The following KIF3B variants were observed in gnomAD, a reference collection of about 807,000 sequenced individuals.
The protein encoded by KIF3B is kinesin family member 3B.
A neutral mutation model predicts 74.3 loss-of-function variants in KIF3B; 38 were observed. That is an observed-to-expected ratio of 0.51 (90% CI 0.39 to 0.67). KIF3B has a LOEUF of 0.67. KIF3B is among the 30% of genes least tolerant of loss of function. The pLI is 0.00. For missense variants in KIF3B, 649 were observed against 932.0 expected (o/e 0.70, Z 3.95); for synonymous variants, 326 against 342.5 (o/e 0.95, Z 0.53).
At chr20:32,291,778 A>G (rs1012036749) in intron 1 of KIF3B, among the ~76,000 whole-genome samples, 7 of 151,746 alleles carry the variant, frequency 4.6e-5, no homozygotes, top group African/African-American at 1.5e-4. Context: ...CACCACACCC[A>G]ACTAATTTTT....
chr20:32,330,289 A>G lies in KIF3B; in HGVS notation c.2117A>G (p.Glu706Gly), dbSNP rs1436784710. The change falls in exon 8 of 9, where the codon GAA becomes GGA. Residue 706 changes from glutamate (E) to glycine (G), a missense_variant. This residue lies in a region of KIF3B where 186 missense variants were observed against 198.5 expected (regional missense o/e 0.94). Coordinates refer to ENST00000375712, the MANE Select transcript of KIF3B (RefSeq NM_004798.4). ...ATACAGGTGGATGCATCATCATTTG[A>G]AAGCACTGCAAATAAGAAATCCAAG... ...DEIQVDASSF[E>G]STANKKSKAR... 1.2e-6 allele frequency: 2 copies of G among 1,614,116 alleles called. No homozygotes were observed. Among genetic ancestry groups the G allele is most frequent in the Admixed American group, 3.3e-5 (2 of 60,008 alleles).
intron 3 of KIF3B, 42 bp from the exon 4 acceptor site, chr20:32,316,485 C>G (rs775831542): frequency 3.7e-6 from 6 of 1,612,026 alleles, no homozygotes; most frequent in Non-Finnish European, 5.1e-6. Flanking sequence ...AGCATAGACA[C>G]AGTCTCTAGG....
intron 5 of KIF3B, among the ~76,000 whole-genome samples, chr20:32,322,186 G>A (rs1224656114): frequency 1.3e-5 from 2 of 152,060 alleles, no homozygotes; most frequent in South Asian, 2.1e-4. Flanking sequence ...AATTTTTCTC[G>A]AGAATGTTTT....
At chr20:32,292,599 A>G (rs961781003) in intron 1 of KIF3B, among the ~76,000 whole-genome samples, 10 of 150,584 alleles carry the variant, frequency 6.6e-5, no homozygotes, top group African/African-American at 9.7e-5. Flanking sequence ...AAAAAAAAAA[A>G]AAAAAAAGAA....
At chr20:32,326,693 C>T (rs1474388500) in intron 5 of KIF3B, 78 bp from the exon 6 acceptor site, 2 of 690,226 alleles carry the variant, frequency 2.9e-6, no homozygotes, top group Non-Finnish European at 5.2e-6. Context: ...CCTGATTACT[C>T]ACCATGCATG....
At position 32,293,061 on chromosome 20, in the gene KIF3B, C is replaced by T. The variant is rs1198110769; in HGVS notation, c.-66+15296C>T. Among the ~76,000 whole-genome samples the T allele has an allele frequency of 2.0e-5, 3 of 152,114 alleles. No homozygotes were observed. In the East Asian group the frequency reaches 5.8e-4, roughly 29 times the overall value. ...CCTGAGGTCAGGAGTTCAAGACCAG[C>T]CTGGCCAACATGGCAAAACCCCGTC... On this transcript the variant is annotated intron_variant, in intron 1 of 8. Coordinates refer to ENST00000375712, the MANE Select transcript of KIF3B (RefSeq NM_004798.4).
rs368220670 is a variant in KIF3B, at chr20:32,309,507, G to A, written c.-65-206G>A. 2.6e-5 allele frequency among the ~76,000 whole-genome samples: 4 copies of A among 152,262 alleles called. No individual in the cohort carries two copies. The East Asian group carries it at 5.8e-4, about 22-fold the overall frequency. ...CAGATATTGATTGAGAGGAGGATGG[G>A]CTAGCCAACAACACTGGTGGACTGC... On this transcript the variant is annotated intron_variant, in intron 1 of 8. Coordinates refer to ENST00000375712, the MANE Select transcript of KIF3B (RefSeq NM_004798.4).
intron 1 of KIF3B, among the ~76,000 whole-genome samples, chr20:32,282,978 T>A (rs1166063420): frequency 1.3e-5 from 2 of 152,220 alleles, no homozygotes; most frequent in African/African-American, 4.8e-5. Context: ...ACATTCAACA[T>A]TGTGAATAGT....
intron 1 of KIF3B, among the ~76,000 whole-genome samples, chr20:32,282,366 A>G (rs1395097819): frequency 5.3e-5 from 8 of 152,146 alleles, no homozygotes; most frequent in Non-Finnish European, 7.4e-5. Flanking sequence ...AAATGATGAA[A>G]GGACTTTTTG....
At chr20:32,292,430 A>G (rs935202583) in intron 1 of KIF3B, among the ~76,000 whole-genome samples, 2 of 151,438 alleles carry the variant, frequency 1.3e-5, no homozygotes, top group Non-Finnish European at 1.5e-5. Context: ...ACCCCCCCCA[A>G]CTTCTACAAA....
At chr20:32,300,283 A>G (rs1306160921) in intron 1 of KIF3B, among the ~76,000 whole-genome samples, 4 of 151,388 alleles carry the variant, frequency 2.6e-5, no homozygotes, top group Admixed American at 2.6e-4. Context: ...TTTTAAATGT[A>G]AATTTTTTTT....
Position 32,331,483 on chromosome 20 carries a change from T to C in KIF3B, c.*164T>C, listed in dbSNP as rs1352687106. 1 of 582,486 alleles carries C rather than the reference T, an allele frequency of 1.7e-6. No individual in the cohort carries two copies. 36.1% of individuals were successfully genotyped at this position (582,486 alleles called of 1,614,324 possible). A position where few individuals can be genotyped will look rare whatever the true frequency, so the allele number is the denominator to read the frequency against. On this transcript the variant is annotated 3_prime_UTR_variant, in exon 9 of 9. Coordinates refer to ENST00000375712, the MANE Select transcript of KIF3B (RefSeq NM_004798.4). ...CAACTTAATCTGGTTGAACGTGCTGTTCCTAATCTGGCACTCAGCCCCTCT... is the reference window on the plus strand; with the variant it reads ...CAACTTAATCTGGTTGAACGTGCTGCTCCTAATCTGGCACTCAGCCCCTCT...
At chr20:32,281,176 C>G (rs1250957049) in intron 1 of KIF3B, among the ~76,000 whole-genome samples, 1 of 152,192 alleles carries the variant, frequency 6.6e-6, no homozygotes, top group African/African-American at 2.4e-5. Flanking sequence ...CATGCTTTTA[C>G]TCATTTAATC....
In KIF3B at chr20:32,331,640, G is replaced by T; in HGVS notation, c.*321G>T. On this transcript the variant is annotated 3_prime_UTR_variant, in exon 9 of 9. Coordinates refer to ENST00000375712, the MANE Select transcript of KIF3B (RefSeq NM_004798.4). The stretch of plus-strand genomic sequence containing the variant: ...TGCCTTCTTCTCCCCCTTCCCCTGT[G>T]CTCCCTTTCTCTCCTCTCTCCTTTT... The T allele has an allele frequency of 3.1e-6, 1 of 323,114 alleles. No individual in the cohort carries two copies. The highest frequency in any genetic ancestry group is 5.6e-6 in the Non-Finnish European group (1 of 177,168). 20.0% of individuals were successfully genotyped at this position (323,114 alleles called of 1,614,324 possible).
intron 1 of KIF3B, among the ~76,000 whole-genome samples, chr20:32,296,955 A>C (rs906251618): frequency 1.3e-5 from 2 of 152,076 alleles, no homozygotes; most frequent in African/African-American, 4.8e-5. Flanking sequence ...CGGAGTCCTG[A>C]TACTTCAAAA....
At chr20:32,307,255 C>A (rs1600427480) in intron 1 of KIF3B, among the ~76,000 whole-genome samples, 1 of 152,180 alleles carries the variant, frequency 6.6e-6, no homozygotes, top group Non-Finnish European at 1.5e-5. Flanking sequence ...CATTAAGGTT[C>A]ATTCTTGGTG....
At chr20:32,325,153 G>A (rs2047896359) in intron 5 of KIF3B, among the ~76,000 whole-genome samples, 1 of 152,090 alleles carries the variant, frequency 6.6e-6, no homozygotes, top group Non-Finnish European at 1.5e-5. Context: ...TCTGGATAGT[G>A]AAATTGTGGG....
intron 5 of KIF3B, among the ~76,000 whole-genome samples, chr20:32,317,925 G>A (rs970102126): frequency 2.6e-5 from 4 of 152,082 alleles, no homozygotes; most frequent in African/African-American, 9.7e-5. Flanking sequence ...ATAGGTGTGA[G>A]CCACCACACC....
intron 7 of KIF3B, among the ~76,000 whole-genome samples, chr20:32,329,318 C>T (rs1029295668): frequency 6.6e-6 from 1 of 152,000 alleles, no homozygotes; most frequent in African/African-American, 2.4e-5. Flanking sequence ...GCTGGGATTA[C>T]AGGCGTGAGC....
Sources: gnomAD v4.1 joint callset for allele counts (sites outside exome capture counted in the v4.1 genomes callset) on GRCh38, gnomAD v4.1.1 for gene constraint, gnomAD v4.1.1 regional missense constraint, MANE v1.5 for transcripts, NCBI Gene and HGNC (gene_info 2026-07-23, HGNC 2026-07-21) for gene names.